Variants in MPP7 observed in about 807,000 individuals in gnomAD.
MPP7 encodes the protein MAGUK p55 subfamily member 7.
MPP7 carries 60 observed loss-of-function variants against 76.5 expected under a neutral mutation model. The ratio of observed to expected loss-of-function variants is 0.78; its 90% CI spans 0.64 to 0.97. The LOEUF is 0.97. Among genes scored for constraint, MPP7 ranks in the 50% least tolerant of loss-of-function variants. MPP7 has a pLI of 0.00. For synonymous variants in MPP7, 237 were observed against 244.5 expected, an observed-to-expected ratio of 0.97 and a Z score of 0.29; for missense variants, 641 against 694.0, an observed-to-expected ratio of 0.92 and a Z score of 0.86.
chr10:28,173,713 A>C (rs1286358802), intron 3 of MPP7, among the ~76,000 whole-genome samples: 1 of 152,240 alleles, frequency 6.6e-6, no homozygotes, highest in Non-Finnish European at 1.5e-5. Flanking sequence ...GCAAATATTT[A>C]AAAATCATTT....
chr10:28,245,949 C>T (rs1319181344), intron 1 of MPP7, among the ~76,000 whole-genome samples: 1 of 150,714 alleles, frequency 6.6e-6, no homozygotes, highest in Non-Finnish European at 1.5e-5. Context: ...GTCAGAAGAG[C>T]AAAAGCGAAA....
At chr10:28,114,233 A>G (rs1204415199) in intron 11 of MPP7, among the ~76,000 whole-genome samples, 1 of 152,148 alleles carries the variant, frequency 6.6e-6, no homozygotes, top group Non-Finnish European at 1.5e-5. Flanking sequence ...CCACATAGTG[A>G]GAACCCATCT....
At chr10:28,315,233 GAGGAAGGGAGAAAGGA>G (rs1834307349) in intron 2 of MPP7, among the ~76,000 whole-genome samples, 1 of 139,618 alleles carries the variant, frequency 7.2e-6, no homozygotes, top group Non-Finnish European at 1.6e-5. Flanking sequence ...GGGAGGGAGG[GAGGAAGGGAGAAAGGA>G]AGGAAGGGAG....
At chr10:28,103,175 C>G (rs773901350) in intron 11 of MPP7, among the ~76,000 whole-genome samples, 1 of 149,096 alleles carries the variant, frequency 6.7e-6, no homozygotes, top group Non-Finnish European at 1.5e-5. Context: ...GGGGCCTTTG[C>G]ACACACTGTG....
intron 2 of MPP7, among the ~76,000 whole-genome samples, chr10:28,215,322 G>A (rs766531400): frequency 6.0e-5 from 9 of 151,086 alleles, no homozygotes; most frequent in East Asian, 2.0e-4. Flanking sequence ...CCCATTGGGC[G>A]GTTACAAAGA....
intron 13 of MPP7, among the ~76,000 whole-genome samples, chr10:28,060,899 G>A (rs1402174827): frequency 1.3e-5 from 2 of 152,108 alleles, no homozygotes; most frequent in Non-Finnish European, 2.9e-5. Flanking sequence ...AAAGAGTATC[G>A]CAAAACATAT....
intron 1 of MPP7, among the ~76,000 whole-genome samples, chr10:28,252,543 T>C (rs1870097): frequency 0.2 from 30,501 of 152,168 alleles, 3,555 homozygotes; most frequent in East Asian, 0.54. Flanking sequence ...GAAACTGGCA[T>C]TAACCCTCAT....
intron 3 of MPP7, among the ~76,000 whole-genome samples, chr10:28,164,466 G>A (rs1333377351): frequency 6.6e-6 from 1 of 152,026 alleles, no homozygotes; most frequent in Non-Finnish European, 1.5e-5. Flanking sequence ...GCTGCAACAG[G>A]GGACTCCAAA....
chr10:28,104,226 G>A (rs903175093), intron 11 of MPP7, among the ~76,000 whole-genome samples: 3 of 151,798 alleles, frequency 2.0e-5, no homozygotes, highest in Admixed American at 1.3e-4. Context: ...AACAGAGAAG[G>A]GATGAATATT....
chr10:28,154,748 G>C (rs1461705285), intron 3 of MPP7, among the ~76,000 whole-genome samples: 1 of 140,818 alleles, frequency 7.1e-6, no homozygotes, highest in African/African-American at 2.6e-5. Context: ...GTTGGGGTGG[G>C]GGGTGGTGGG....
intron 2 of MPP7, among the ~76,000 whole-genome samples, chr10:28,311,598 T>G (rs1199563986): frequency 2.0e-5 from 3 of 152,140 alleles, no homozygotes; most frequent in African/African-American, 7.2e-5. Flanking sequence ...GAAATATACA[T>G]ATAGCTGAGC....
chr10:28,277,029 CA>C (rs1186046964), intron 1 of MPP7, among the ~76,000 whole-genome samples: 20 of 145,002 alleles, frequency 1.4e-4, no homozygotes, highest in South Asian at 2.2e-4. Flanking sequence ...GCTGCCTCTA[CA>C]AAAAAAAAAA....
At chr10:28,125,130 T>C in intron 6 of MPP7, 39 bp from the exon 7 acceptor site, 1 of 1,519,606 alleles carries the variant, frequency 6.6e-7, no homozygotes, top group Non-Finnish European at 9.1e-7. Flanking sequence ...TGGGTAAATG[T>C]GTGTACTAGG....
intron 3 of MPP7, among the ~76,000 whole-genome samples, chr10:28,185,162 AATT>A (rs767488200): frequency 8.0e-4 from 119 of 148,534 alleles, no homozygotes; most frequent in Non-Finnish European, 1.5e-3. Context: ...TTAATAATGT[AATT>A]ATTATGATGA....
intron 3 of MPP7, among the ~76,000 whole-genome samples, chr10:28,158,663 A>G (rs1371155540): frequency 6.6e-6 from 1 of 152,184 alleles, no homozygotes; most frequent in African/African-American, 2.4e-5. Context: ...TGCTTGGCCT[A>G]CAAATGATGC....
chr10:28,309,836 TGGGGATTG>T (rs367725244), intron 2 of MPP7, among the ~76,000 whole-genome samples: 94,316 of 150,942 alleles, frequency 0.62, 29,684 homozygotes, highest in South Asian at 0.7. Flanking sequence ...ATCCCCTCCC[TGGGGATTG>T]GCTCCAGGGT....
rs536385197 is a variant in MPP7, at chr10:28,092,740, ATTTT to A, written c.953-2903_953-2900del. On this transcript the variant is annotated intron_variant, in intron 11 of 16. Coordinates refer to ENST00000683449, the MANE Select transcript of MPP7 (RefSeq NM_001318170.2). The stretch of plus-strand genomic sequence containing the variant: ...GGCATGTGCCACCACACCTGGCTCA[ATTTT>A]TTTTTTTTTTTTTTTTGAAGAGATA... Among the ~76,000 whole-genome samples the A allele has an allele frequency of 3.8e-3, 402 of 105,512 alleles. 4 individuals are homozygous for A. The highest frequency in any genetic ancestry group is 0.013 in the African/African-American group (345 of 25,704). 69.2% of individuals were successfully genotyped at this position (105,512 alleles called of 152,430 possible).
At chr10:28,054,281 C>A in intron 16 of MPP7, 37 bp from the exon 17 acceptor site, 1 of 1,252,376 alleles carries the variant, frequency 8.0e-7, no homozygotes, top group South Asian at 1.3e-5. Flanking sequence ...ATTGGTTAAC[C>A]AGGCCATTAC....
At chr10:28,185,531 G>A (rs2133925283) in intron 3 of MPP7, among the ~76,000 whole-genome samples, 1 of 152,220 alleles carries the variant, frequency 6.6e-6, no homozygotes, top group Non-Finnish European at 1.5e-5. Context: ...ACAGCAAAAG[G>A]TCCCAATTTG....
Sources: gnomAD v4.1 joint callset for allele counts (sites outside exome capture counted in the v4.1 genomes callset) on GRCh38, gnomAD v4.1.1 for gene constraint, MANE v1.5 for transcripts, NCBI Gene and HGNC (gene_info 2026-07-23, HGNC 2026-07-21) for gene names.